Variants in TTC27 observed in about 807,000 individuals in gnomAD.
TTC27 encodes the protein tetratricopeptide repeat domain 27.
In TTC27, 79 loss-of-function variants were observed where a neutral mutation model predicts 115.9. The observed-to-expected ratio is 0.68, with a 90% CI of 0.57 to 0.82. The LOEUF is 0.82. TTC27 is among the 40% of genes least tolerant of loss of function. The pLI is 0.00. For synonymous variants in TTC27, 401 were observed against 356.0 expected (o/e 1.13, Z -1.42); for missense variants, 1,054 against 993.1 (o/e 1.06, Z -0.82).
intron 9 of TTC27, among the ~76,000 whole-genome samples, chr2:32,683,802 T>C (rs1252308530): frequency 1.3e-5 from 2 of 149,014 alleles, no homozygotes; most frequent in Non-Finnish European, 3.0e-5. Context: ...AATTTCCTTT[T>C]ATTGTTGAAA....
rs570312651 is a variant in TTC27 at position 32,666,071 on chromosome 2, C to T, written c.806-564C>T. On this transcript the variant is annotated intron_variant, in intron 6 of 19. Coordinates refer to ENST00000317907, the MANE Select transcript of TTC27 (RefSeq NM_017735.5). The stretch of plus-strand genomic sequence containing the variant: ...AGGATCTTTGTAATCTGACCTTGTC[C>T]AGAGAGTGGATGTTGGAACTTTTGC... 1.1e-4 allele frequency among the ~76,000 whole-genome samples: 16 copies of T among 152,192 alleles called. No individual in the cohort carries two copies. The East Asian group carries it at 1.5e-3, about 15-fold the overall frequency.
intron 8 of TTC27, among the ~76,000 whole-genome samples, chr2:32,677,445 A>C (rs964670098): frequency 2.0e-5 from 3 of 151,908 alleles, no homozygotes; most frequent in African/African-American, 7.2e-5. Context: ...GAATAGTGCC[A>C]AACTGTTTTC....
At chr2:32,633,377 G>A (rs967100260) in intron 2 of TTC27, among the ~76,000 whole-genome samples, 3 of 152,028 alleles carry the variant, frequency 2.0e-5, no homozygotes, top group African/African-American at 7.2e-5. Context: ...AACCATGTTT[G>A]GCTCGTGGCT....
intron 9 of TTC27, among the ~76,000 whole-genome samples, chr2:32,698,673 G>A (rs952918559): frequency 6.6e-6 from 1 of 151,722 alleles, no homozygotes; most frequent in South Asian, 2.1e-4. Context: ...GTAGAGATGG[G>A]GTTTCACCAT....
intron 9 of TTC27, among the ~76,000 whole-genome samples, chr2:32,694,321 CT>C (rs1666912759): frequency 6.6e-6 from 1 of 152,032 alleles, no homozygotes; most frequent in African/African-American, 2.4e-5. Flanking sequence ...ATATCAGAGC[CT>C]TTTCATGTGC....
chr2:32,746,815 C>T (rs1035260393), intron 12 of TTC27, among the ~76,000 whole-genome samples: 2 of 152,000 alleles, frequency 1.3e-5, no homozygotes, highest in African/African-American at 2.4e-5. Flanking sequence ...GAAAACAGAA[C>T]ATTTTGGAAA....
chr2:32,777,842 T>C (rs1309469366), intron 13 of TTC27, 40 bp from the exon 14 acceptor site: 2 of 1,588,226 alleles, frequency 1.3e-6, no homozygotes, highest in Non-Finnish European at 1.7e-6. Flanking sequence ...CTGTAAATGT[T>C]TCTGTGTGTT....
chr2:32,767,453 G>GTTTTTTTTTTTTTTT (rs397754905), intron 13 of TTC27, among the ~76,000 whole-genome samples: 17 of 114,246 alleles, frequency 1.5e-4, no homozygotes, highest in East Asian at 5.6e-4. Context: ...GTTTTTTTTT[G>GTTTTTTTTTTTTTTT]TTTTTTTTTT....
chr2:32,739,937 T>C (rs1668572108), intron 12 of TTC27, among the ~76,000 whole-genome samples: 2 of 152,222 alleles, frequency 1.3e-5, no homozygotes, highest in African/African-American at 4.8e-5. Flanking sequence ...TGGAGAAATG[T>C]TTAATTCTAA....
chr2:32,819,397 T>C (rs1430596701), intron 19 of TTC27, among the ~76,000 whole-genome samples: 1 of 152,214 alleles, frequency 6.6e-6, no homozygotes, highest in Non-Finnish European at 1.5e-5. Context: ...TCACATATAT[T>C]TGGGAGTCTC....
At chr2:32,731,889 A>G (rs1668303280) in intron 10 of TTC27, among the ~76,000 whole-genome samples, 1 of 152,212 alleles carries the variant, frequency 6.6e-6, no homozygotes, top group African/African-American at 2.4e-5. Context: ...TAAATGAGGA[A>G]ATATTTACTG....
At position 32,659,335 on chromosome 2, in the gene TTC27, T is replaced by A. The variant is rs911223811; in HGVS notation, c.641-4968T>A. Among the ~76,000 whole-genome samples, 3 of 148,324 alleles carry A rather than the reference T, an allele frequency of 2.0e-5. No homozygotes were observed. In the Admixed American group the frequency reaches 2.0e-4, roughly 10 times the overall value. On this transcript the variant is annotated intron_variant, in intron 5 of 19. Coordinates refer to ENST00000317907, the MANE Select transcript of TTC27 (RefSeq NM_017735.5). ...AACTTGTAAACTGATATCGTCTTCATCAGATTTTTGGTGTTACCTCTTTTT... is the reference window on the plus strand; with the variant it reads ...AACTTGTAAACTGATATCGTCTTCAACAGATTTTTGGTGTTACCTCTTTTT...
intron 9 of TTC27, among the ~76,000 whole-genome samples, chr2:32,688,937 A>G (rs189534451): frequency 6.6e-6 from 1 of 152,270 alleles, no homozygotes; most frequent in Admixed American, 6.5e-5. Flanking sequence ...TTTTATGCAT[A>G]ATAGCTTAAA....
intron 11 of TTC27, among the ~76,000 whole-genome samples, chr2:32,734,422 G>T (rs1478250363): frequency 2.0e-5 from 3 of 152,146 alleles, no homozygotes; most frequent in Non-Finnish European, 2.9e-5. Flanking sequence ...TTCTGCCAAA[G>T]AAGGAACCTT....
chr2:32,651,605 A>C (rs1665129739), intron 5 of TTC27, among the ~76,000 whole-genome samples: 2 of 152,140 alleles, frequency 1.3e-5, no homozygotes, highest in African/African-American at 2.4e-5. Flanking sequence ...TTGGCCTCCC[A>C]GAGTGTTGGG....
chr2:32,782,601 T>TAGAGAGA, intron 14 of TTC27, 25 bp from the exon 15 acceptor site: 1 of 1,606,466 alleles, frequency 6.2e-7, no homozygotes, highest in Non-Finnish European at 8.5e-7. Flanking sequence ...GAAGAGTTAA[T>TAGAGAGA]TAACTGTGTT....
intron 16 of TTC27, among the ~76,000 whole-genome samples, chr2:32,806,728 C>T (rs1246799034): frequency 1.3e-5 from 2 of 151,940 alleles, no homozygotes; most frequent in African/African-American, 4.8e-5. Flanking sequence ...TTGCAGTGAG[C>T]CAAGATCGCG....
At chr2:32,741,397 A>G (rs374681860) in intron 12 of TTC27, among the ~76,000 whole-genome samples, 4 of 151,978 alleles carry the variant, frequency 2.6e-5, no homozygotes, top group African/African-American at 9.7e-5. Context: ...TAATCCCAGC[A>G]CATTGGTAGG....
chr2:32,636,284 G>A (rs1291538687), intron 3 of TTC27, among the ~76,000 whole-genome samples: 1 of 152,098 alleles, frequency 6.6e-6, no homozygotes, highest in Non-Finnish European at 1.5e-5. Flanking sequence ...TGCGATCTCG[G>A]CTCACTGCAG....
Sources: gnomAD v4.1 joint callset for allele counts (sites outside exome capture counted in the v4.1 genomes callset) on GRCh38, gnomAD v4.1.1 for gene constraint, MANE v1.5 for transcripts, NCBI Gene and HGNC (gene_info 2026-07-23, HGNC 2026-07-21) for gene names.